FMN1: variants seen among roughly 807,000 people sequenced by gnomAD.
FMN1 encodes the protein formin-1.
In FMN1, 110 loss-of-function variants were observed where a neutral mutation model predicts 132.4. That is an observed-to-expected ratio of 0.83 (90% CI 0.71 to 0.97). FMN1 has a LOEUF of 0.97. FMN1 is among the 50% of genes least tolerant of loss of function. The pLI, the probability that FMN1 is intolerant of heterozygous loss-of-function variation, is 0.00. For missense variants in FMN1, 1,792 were observed against 1,705.3 expected (o/e 1.05, Z -0.90); for synonymous variants, 722 against 651.7 (o/e 1.11, Z -1.64).
intron 19 of FMN1, 43 bp downstream of exon 19, chr15:32,798,761 T>C (rs984091881): frequency 1.9e-6 from 3 of 1,550,314 alleles, no homozygotes; most frequent in Non-Finnish European, 1.8e-6. Flanking sequence ...TGCAGTTTCC[T>C]AGGCTCCTGA....
intron 4 of FMN1, among the ~76,000 whole-genome samples, chr15:33,121,481 G>T (rs917817858): frequency 6.6e-6 from 1 of 152,132 alleles, no homozygotes; most frequent in African/African-American, 2.4e-5. Context: ...GAAATCATTT[G>T]TCTATTACAC....
chr15:33,114,394 T>A (rs866136258), intron 4 of FMN1, among the ~76,000 whole-genome samples: 1 of 152,216 alleles, frequency 6.6e-6, no homozygotes, highest in Non-Finnish European at 1.5e-5. Context: ...CATAAATATA[T>A]GCAGAAATGA....
chr15:32,825,621 T>C (rs1475474980), intron 17 of FMN1, among the ~76,000 whole-genome samples: 1 of 152,260 alleles, frequency 6.6e-6, no homozygotes, highest in Non-Finnish European at 1.5e-5. Flanking sequence ...CTTTTGTCTC[T>C]TGCGCTTGCT....
rs181128941 is a variant in FMN1 at position 33,035,829 on chromosome 15, G to A, written c.2162-27754C>T. 1.2e-4 allele frequency among the ~76,000 whole-genome samples: 18 copies of A among 152,306 alleles called. 1 individual carries two copies. Among genetic ancestry groups the A allele is most frequent in the Admixed American group, 1.2e-3 (18 of 15,300 alleles). ...CAATGTGGCAATATTTTGAGAGGCA[G>A]GGCCTTTAAGAGGTGATTCGATCAG... On this transcript the variant is annotated intron_variant, in intron 6 of 20. Coordinates refer to ENST00000616417, the MANE Select transcript of FMN1 (RefSeq NM_001277313.2).
At chr15:33,040,031 G>A (rs910884637) in intron 6 of FMN1, among the ~76,000 whole-genome samples, 1 of 152,120 alleles carries the variant, frequency 6.6e-6, no homozygotes. Context: ...TGCTCAGCAT[G>A]GCATGCCATA....
intron 16 of FMN1, among the ~76,000 whole-genome samples, chr15:32,876,200 C>T (rs544020560): frequency 3.9e-5 from 6 of 152,162 alleles, no homozygotes; most frequent in Non-Finnish European, 7.3e-5. Context: ...TGTTTCTAAA[C>T]CTGTTTATTC....
intron 6 of FMN1, among the ~76,000 whole-genome samples, chr15:33,057,040 C>T (rs1448632219): frequency 6.6e-6 from 1 of 152,026 alleles, no homozygotes; most frequent in Non-Finnish European, 1.5e-5. Context: ...TAGCCAGGCA[C>T]GGTGGCACAC....
intron 4 of FMN1, among the ~76,000 whole-genome samples, chr15:33,113,808 A>G (rs2039806285): frequency 1.3e-5 from 2 of 152,194 alleles, no homozygotes; most frequent in East Asian, 1.9e-4. Flanking sequence ...ACGGTCTTAC[A>G]GCTGAGGCCC....
rs897977924 is a variant in FMN1, at chr15:33,044,227, G to A, written c.2161+20730C>T. Among the ~76,000 whole-genome samples, 3 of 152,200 alleles carry A rather than the reference G, an allele frequency of 2.0e-5. No homozygotes were observed. The East Asian group carries it at 5.8e-4, about 29-fold the overall frequency. ...TAGCATTGGCCTGCAGGTGCCCCTT[G>A]GCACAAACACTCTAGGTTCCATGAA... is the stretch of plus-strand genomic sequence containing the variant. On this transcript the variant is annotated intron_variant, in intron 6 of 20. Coordinates refer to ENST00000616417, the MANE Select transcript of FMN1 (RefSeq NM_001277313.2).
intron 16 of FMN1, among the ~76,000 whole-genome samples, chr15:32,865,575 G>A (rs938314748): frequency 6.6e-6 from 1 of 152,160 alleles, no homozygotes; most frequent in Non-Finnish European, 1.5e-5. Flanking sequence ...GGTGGCTCAC[G>A]CCTGTGATCC....
In FMN1 at chr15:32,823,969, G is replaced by A. The variant is rs1201565843; in HGVS notation, c.3929-19637C>T. On this transcript the variant is annotated intron_variant, in intron 17 of 20. Coordinates refer to ENST00000616417, the MANE Select transcript of FMN1 (RefSeq NM_001277313.2). ...GACCACATTGGAACAGTGTGCCCCT[G>A]CCAAAAGCCATGTGCTCCCTTCTTT... Among the ~76,000 whole-genome samples, 4 of 152,316 alleles carry A rather than the reference G, an allele frequency of 2.6e-5. No individual in the cohort carries two copies. The East Asian group carries it at 7.7e-4, about 29-fold the overall frequency.
At chr15:32,987,375 A>G (rs1157902176) in intron 7 of FMN1, among the ~76,000 whole-genome samples, 1 of 152,188 alleles carries the variant, frequency 6.6e-6, no homozygotes, top group Non-Finnish European at 1.5e-5. Context: ...TCAAGTATCC[A>G]TGCCAGTCAT....
intron 17 of FMN1, among the ~76,000 whole-genome samples, chr15:32,827,622 A>C (rs1270604186): frequency 6.6e-6 from 1 of 152,102 alleles, no homozygotes; most frequent in African/African-American, 2.4e-5. Flanking sequence ...AGGCCGAGAC[A>C]GGTGGATCAT....
intron 9 of FMN1, among the ~76,000 whole-genome samples, chr15:32,933,150 T>A (rs150585358): frequency 5.8e-4 from 89 of 152,324 alleles, no homozygotes; most frequent in African/African-American, 2.1e-3. Context: ...TTTTATTGCA[T>A]CCCATATGTT....
At chr15:33,076,853 T>A (rs959134349) in intron 5 of FMN1, among the ~76,000 whole-genome samples, 2 of 152,204 alleles carry the variant, frequency 1.3e-5, no homozygotes, top group South Asian at 4.1e-4. Context: ...ACCAAATGGC[T>A]ACTGAAATTA....
At chr15:32,776,407 G>A (rs1346561860) in intron 20 of FMN1, among the ~76,000 whole-genome samples, 15 of 152,208 alleles carry the variant, frequency 9.9e-5, no homozygotes, top group Admixed American at 9.8e-4. Context: ...CTTGCTAAGT[G>A]ACCCTGGGTA....
In FMN1 at chr15:32,964,140, T is replaced by C. The variant is rs1306758226; in HGVS notation, c.3105A>G (p.Ser1035=). Residue 1035 remains serine (S), a synonymous_variant, in exon 9 of 21, where the codon TCA becomes TCG. Coordinates refer to ENST00000616417, the MANE Select transcript of FMN1 (RefSeq NM_001277313.2). ...CCTTGTTTTTCTTCTCATAAGTCTC[T>C]GACAGAGGTTTTTTCTTCTGTTGAG... ...DTTQQKKKPL[S]ETYEKKNKVK... 1.2e-6 allele frequency: 2 copies of C among 1,613,168 alleles called. No individual in the cohort carries two copies. Among genetic ancestry groups the C allele is most frequent in the South Asian group, 1.1e-5 (1 of 90,980 alleles).
chr15:32,881,908 G>C (rs969856048), intron 16 of FMN1, among the ~76,000 whole-genome samples: 1 of 152,132 alleles, frequency 6.6e-6, no homozygotes, highest in Non-Finnish European at 1.5e-5. Context: ...GTTGCCCAGG[G>C]ATGGCCCTTT....
At chr15:33,123,863 G>A (rs986420958) in intron 4 of FMN1, among the ~76,000 whole-genome samples, 1 of 152,144 alleles carries the variant, frequency 6.6e-6, no homozygotes, top group Non-Finnish European at 1.5e-5. Flanking sequence ...AAAAAGTCCA[G>A]GATTACAGGC....
Sources: allele counts gnomAD v4.1 joint callset (sites outside exome capture counted in the v4.1 genomes callset), GRCh38; gene constraint gnomAD v4.1.1; transcripts MANE v1.5; gene names NCBI Gene and HGNC (gene_info 2026-07-23, HGNC 2026-07-21).